The following SLC4A4 variants were observed in gnomAD, a reference collection of about 807,000 sequenced individuals.
SLC4A4 encodes the protein solute carrier family 4 member 4, also known as electrogenic sodium bicarbonate cotransporter 1.
Under a neutral mutation model 111.5 loss-of-function variants are expected in SLC4A4, and 27 were observed. That is an observed-to-expected ratio of 0.24 (90% CI 0.18 to 0.33). The LOEUF (loss-of-function observed/expected upper bound fraction) is 0.33. SLC4A4 is among the 10% of genes least tolerant of loss of function. The pLI is 1.00. For missense variants in SLC4A4, 909 were observed against 1,315.5 expected (o/e 0.69, Z 4.78); for synonymous variants, 443 against 463.4 (o/e 0.96, Z 0.57).
In SLC4A4 at chr4:71,568,073, A is replaced by C; in HGVS notation, c.*322A>C. 3 of 510,294 alleles carry C rather than the reference A, an allele frequency of 5.9e-6. No homozygotes were observed. In the South Asian group the frequency reaches 7.7e-5, roughly 13 times the overall value. 31.6% of individuals were successfully genotyped at this position (510,294 alleles called of 1,614,324 possible). ...CAAGACAATAGTGCACCGTTCCTTAAAAACAGCATCTGAGGAATCCCCCTT... is the reference window on the plus strand; with the variant it reads ...CAAGACAATAGTGCACCGTTCCTTACAAACAGCATCTGAGGAATCCCCCTT... On this transcript the variant is annotated 3_prime_UTR_variant, in exon 26 of 26. Coordinates refer to ENST00000264485, the MANE Select transcript of SLC4A4 (RefSeq NM_001098484.3).
chr4:71,195,934 C>T (rs1745980048), intron 1 of SLC4A4, among the ~76,000 whole-genome samples: 2 of 152,224 alleles, frequency 1.3e-5, no homozygotes, highest in Admixed American at 6.5e-5. Context: ...TTTGCACCTT[C>T]TACCCCAGAA....
chr4:71,172,820 G>A (rs1177588906), intron 2 of SLC4A4, among the ~76,000 whole-genome samples: 1 of 152,044 alleles, frequency 6.6e-6, no homozygotes, highest in Non-Finnish European at 1.5e-5. Flanking sequence ...TCCCTCCTCC[G>A]CTTATTTTAT....
chr4:71,466,959 GAGAGAGGGAGAGAGA>G (rs1560533823), intron 13 of SLC4A4, among the ~76,000 whole-genome samples: 29 of 109,814 alleles, frequency 2.6e-4, no homozygotes, highest in East Asian at 1.7e-3. Context: ...GAGAGAGAGA[GAGAGAGGGAGAGAGA>G]GAGAGGTCTG....
chr4:71,302,819 T>C (rs1725378707), intron 3 of SLC4A4, among the ~76,000 whole-genome samples: 1 of 152,194 alleles, frequency 6.6e-6, no homozygotes, highest in South Asian at 2.1e-4. Context: ...AAGAGGATAA[T>C]GTCATGTTAG....
intron 12 of SLC4A4, among the ~76,000 whole-genome samples, chr4:71,465,170 T>C (rs768042004): frequency 1.3e-5 from 2 of 152,056 alleles, no homozygotes. Flanking sequence ...TAAATCATAC[T>C]TCTAACAACA....
chr4:71,161,220 A>G (rs1434227387), intron 2 of SLC4A4, among the ~76,000 whole-genome samples: 1 of 152,214 alleles, frequency 6.6e-6, no homozygotes, highest in Non-Finnish European at 1.5e-5. Context: ...ACTGTGCATT[A>G]AGTAAATAAT....
chr4:71,178,924 T>C (rs1745190141), intron 2 of SLC4A4, among the ~76,000 whole-genome samples: 1 of 152,028 alleles, frequency 6.6e-6, no homozygotes, highest in Non-Finnish European at 1.5e-5. Flanking sequence ...TAGACCAATA[T>C]CCCTGATGAA....
chr4:71,478,286 G>A (rs567781821), intron 14 of SLC4A4, among the ~76,000 whole-genome samples: 13 of 151,478 alleles, frequency 8.6e-5, no homozygotes, highest in South Asian at 6.3e-4. Flanking sequence ...ATTATAAATC[G>A]TTCTGTAAGG....
At chr4:71,235,308 A>G (rs566248423) in intron 1 of SLC4A4, among the ~76,000 whole-genome samples, 42 of 152,354 alleles carry the variant, frequency 2.8e-4, no homozygotes, top group African/African-American at 9.6e-4. Context: ...AGTAAGGACA[A>G]AAATATGAAT....
At chr4:71,408,376 A>G (rs1721061182) in intron 7 of SLC4A4, among the ~76,000 whole-genome samples, 1 of 152,218 alleles carries the variant, frequency 6.6e-6, no homozygotes. Context: ...TACTTAATAC[A>G]CTTCAAAATG....
chr4:71,127,237 A>G (rs998123602), intron 2 of SLC4A4, among the ~76,000 whole-genome samples: 3 of 152,202 alleles, frequency 2.0e-5, no homozygotes, highest in African/African-American at 4.8e-5. Context: ...ATATGGCCAT[A>G]TGGATACATT....
At chr4:71,228,497 C>A (rs1719189568) in intron 1 of SLC4A4, among the ~76,000 whole-genome samples, 2 of 152,052 alleles carry the variant, frequency 1.3e-5, no homozygotes, top group Non-Finnish European at 2.9e-5. Flanking sequence ...ATTTAATTCC[C>A]TAAACTAACT....
At chr4:71,242,281 T>A (rs1394353185) in intron 2 of SLC4A4, among the ~76,000 whole-genome samples, 1 of 152,346 alleles carries the variant, frequency 6.6e-6, no homozygotes, top group East Asian at 1.9e-4. Context: ...GTTTTGCCTA[T>A]AGATTGAGCT....
intron 2 of SLC4A4, among the ~76,000 whole-genome samples, chr4:71,124,386 G>T (rs1743510517): frequency 6.6e-6 from 1 of 151,962 alleles, no homozygotes; most frequent in Non-Finnish European, 1.5e-5. Context: ...TGGCCAGGAT[G>T]GTCTTGATCT....
chr4:71,162,815 C>T (rs967558832), intron 2 of SLC4A4, among the ~76,000 whole-genome samples: 11 of 152,126 alleles, frequency 7.2e-5, no homozygotes, highest in African/African-American at 1.9e-4. Flanking sequence ...AGAGACAAGA[C>T]GCTTAAGGAC....
intron 7 of SLC4A4, among the ~76,000 whole-genome samples, chr4:71,406,225 G>A (rs1353626122): frequency 6.6e-6 from 1 of 151,934 alleles, no homozygotes; most frequent in African/African-American, 2.4e-5. Context: ...TGTAAAGTTA[G>A]TTAAATAAAA....
intron 3 of SLC4A4, among the ~76,000 whole-genome samples, chr4:71,257,272 A>G (rs918410486): frequency 5.3e-5 from 8 of 152,210 alleles, no homozygotes; most frequent in African/African-American, 9.6e-5. Context: ...AAGGGATCCT[A>G]TGGAGAGACA....
chr4:71,410,203 A>C (rs1006523754), intron 7 of SLC4A4, among the ~76,000 whole-genome samples: 7 of 152,172 alleles, frequency 4.6e-5, no homozygotes, highest in African/African-American at 1.7e-4. Context: ...AGCTGTGAGA[A>C]GAGGGCTACT....
At chr4:71,559,878 A>C (rs1159287158) in intron 22 of SLC4A4, among the ~76,000 whole-genome samples, 1 of 151,886 alleles carries the variant, frequency 6.6e-6, no homozygotes, top group Non-Finnish European at 1.5e-5. Context: ...AAACAAAGTG[A>C]GTTTCAACTA....
Sources: gnomAD v4.1 joint callset for allele counts (sites outside exome capture counted in the v4.1 genomes callset) on GRCh38, gnomAD v4.1.1 for gene constraint, MANE v1.5 for transcripts, NCBI Gene and HGNC (gene_info 2026-07-23, HGNC 2026-07-21) for gene names.